Variants in LSM14A observed in about 807,000 individuals in gnomAD.
LSM14A encodes LSM14A mRNA processing body assembly factor.
Under a neutral mutation model 52.4 loss-of-function variants are expected in LSM14A, and 14 were observed. That is an observed-to-expected ratio of 0.27 (90% CI 0.18 to 0.42). The LOEUF is 0.42. LSM14A is among the 10% of genes least tolerant of loss of function. LSM14A has a pLI of 1.00. For synonymous variants in LSM14A, 185 were observed against 200.3 expected, an observed-to-expected ratio of 0.92 and a Z score of 0.64; for missense variants, 417 against 581.8, an observed-to-expected ratio of 0.72 and a Z score of 2.91.
chr19:34,213,980 G>A (rs949857410), intron 4 of LSM14A, among the ~76,000 whole-genome samples: 7 of 151,800 alleles, frequency 4.6e-5, no homozygotes, highest in Non-Finnish European at 1.0e-4. Flanking sequence ...ACAGGCTTTC[G>A]CCATGTTGTT....
At chr19:34,212,544 T>G (rs547367549) in intron 4 of LSM14A, among the ~76,000 whole-genome samples, 1 of 152,224 alleles carries the variant, frequency 6.6e-6, no homozygotes, top group Admixed American at 6.5e-5. Context: ...CATAAAGTTA[T>G]GACAAATGAC....
intron 6 of LSM14A, among the ~76,000 whole-genome samples, chr19:34,217,195 T>A (rs892439985): frequency 6.7e-6 from 1 of 148,536 alleles, no homozygotes; most frequent in Non-Finnish European, 1.5e-5. Context: ...GGAGGCGAGG[T>A]TGTAGTGAGC....
At position 34,216,001 on chromosome 19, in the gene LSM14A, T is replaced by C. The variant is rs145959247; in HGVS notation, c.781+340T>C. ...TGGTTTCGATAATGTACCATAATTA[T>C]ATAAGATGTGACTGTTGGAGTTTGG... On this transcript the variant is annotated intron_variant, in intron 6 of 9. Transcript: ENST00000544216. Among the ~76,000 whole-genome samples the C allele has an allele frequency of 3.7e-4, 56 of 152,356 alleles. No individual in the cohort carries two copies. In the East Asian group the frequency reaches 0.01, roughly 28 times the overall value.
Position 34,227,485 on chromosome 19 carries a change from T to C in LSM14A, c.*97T>C. 1.1e-6 allele frequency: 1 copy of C among 932,156 alleles called. No homozygotes were observed. Among genetic ancestry groups the C allele is most frequent in the Non-Finnish European group, 1.6e-6 (1 of 618,922 alleles). 57.7% of individuals were successfully genotyped at this position (932,156 alleles called of 1,614,324 possible). ...GCAAAGAATGAAGAAGTGAATTCGC[T>C]GTACATTTGTCACCAGCACTGGGTT... On this transcript the variant is annotated 3_prime_UTR_variant, in exon 10 of 10. Transcript: ENST00000544216.
At chr19:34,200,424 T>C (rs574898629) in intron 3 of LSM14A, among the ~76,000 whole-genome samples, 1 of 152,350 alleles carries the variant, frequency 6.6e-6, no homozygotes, top group Admixed American at 6.5e-5. Context: ...TTTGTTATTA[T>C]TGTTAATTTT....
At chr19:34,222,108 T>G (rs1192204507) in intron 9 of LSM14A, among the ~76,000 whole-genome samples, 4 of 152,224 alleles carry the variant, frequency 2.6e-5, no homozygotes, top group Non-Finnish European at 4.4e-5. Context: ...TTAACTTATT[T>G]AAACTGCACA....
At chr19:34,214,919 A>T (rs569685255) in intron 4 of LSM14A, among the ~76,000 whole-genome samples, 16 of 149,160 alleles carry the variant, frequency 1.1e-4, no homozygotes, top group East Asian at 3.9e-4. Context: ...GTTTTTTTTT[A>T]AATTATTATT....
In LSM14A at chr19:34,229,053, A is replaced by G. The variant is rs2145927335; in HGVS notation, c.*1665A>G. On this transcript the variant is annotated 3_prime_UTR_variant, in exon 10 of 10. Coordinates refer to ENST00000544216, the MANE Select transcript of LSM14A (RefSeq NM_015578.4). ...AGAGCATCAGAGCAAGTACCATGGC[A>G]ATACATGTGTAGACTGTTGGAGATG... 1 of 152,348 alleles carries G rather than the reference A, an allele frequency of 6.6e-6. No individual in the cohort carries two copies. The allele number at this position is 152,348 out of a possible 1,614,324, so 9.4% of individuals were successfully genotyped here.
chr19:34,185,601 T>A (rs1270366999), intron 1 of LSM14A, among the ~76,000 whole-genome samples: 1 of 152,202 alleles, frequency 6.6e-6, no homozygotes, highest in Non-Finnish European at 1.5e-5. Context: ...TCTACCATGC[T>A]ACCTTCAGGG....
chr19:34,192,122 G>A (rs2070422523), intron 1 of LSM14A, among the ~76,000 whole-genome samples: 1 of 151,784 alleles, frequency 6.6e-6, no homozygotes, highest in Admixed American at 6.6e-5. Flanking sequence ...AAAATTTCGT[G>A]GTATGAGTTT....
intron 4 of LSM14A, among the ~76,000 whole-genome samples, chr19:34,212,676 A>T (rs960450759): frequency 2.0e-5 from 3 of 152,218 alleles, no homozygotes; most frequent in Non-Finnish European, 4.4e-5. Context: ...TGTGTCTATA[A>T]TATGCAGAAA....
intron 4 of LSM14A, among the ~76,000 whole-genome samples, chr19:34,214,505 C>T (rs920855665): frequency 5.3e-5 from 8 of 151,996 alleles, no homozygotes; most frequent in African/African-American, 1.2e-4. Context: ...GACAGGGTTT[C>T]GCCATGTTGC....
At position 34,215,239 on chromosome 19, in the gene LSM14A, A is replaced by G. The variant is rs761272766; in HGVS notation, c.654A>G (p.Val218=). 2 of 1,614,226 alleles carry G rather than the reference A, an allele frequency of 1.2e-6. No homozygotes were observed. Among genetic ancestry groups the G allele is most frequent in the Non-Finnish European group, 1.7e-6 (2 of 1,180,042 alleles). Residue 218 remains valine, a synonymous_variant, in exon 5 of 10, where the codon GTA becomes GTG. Transcript: ENST00000544216. ...APAAVGRRSP[V]STRPLPSASQ... is the part of the protein sequence containing the mutation. The stretch of plus-strand genomic sequence containing the variant: ...CAGCTGTTGGGAGAAGGAGTCCTGT[A>G]TCAACCAGGCCTTTGCCATCTGCCA...
chr19:34,187,248 CAA>C (rs753895752), intron 1 of LSM14A, among the ~76,000 whole-genome samples: 6 of 119,056 alleles, frequency 5.0e-5, no homozygotes, highest in Non-Finnish European at 1.8e-5. Flanking sequence ...GACTCGGTCT[CAA>C]AAAAAAAAAA....
intron 1 of LSM14A, among the ~76,000 whole-genome samples, chr19:34,174,646 T>C (rs2145442907): frequency 6.6e-6 from 1 of 152,348 alleles, no homozygotes; most frequent in East Asian, 1.9e-4. Flanking sequence ...TTATTTTGAA[T>C]TTATTTTTAT....
intron 1 of LSM14A, among the ~76,000 whole-genome samples, chr19:34,189,594 A>C (rs554429676): frequency 6.6e-6 from 1 of 152,160 alleles, no homozygotes; most frequent in Non-Finnish European, 1.5e-5. Context: ...TAGAATAACA[A>C]TGTTCTTTCT....
intron 6 of LSM14A, among the ~76,000 whole-genome samples, chr19:34,217,903 C>T (rs954002942): frequency 2.0e-5 from 3 of 151,836 alleles, no homozygotes; most frequent in Non-Finnish European, 4.4e-5. Context: ...TCAAAACTCA[C>T]CCCACCAAAG....
rs771097717 is a variant in LSM14A, at chr19:34,219,354, A to T, written c.782-37A>T. 4.1e-6 allele frequency: 6 copies of T among 1,472,160 alleles called. No homozygotes were observed. The East Asian group carries it at 1.1e-4, about 28-fold the overall frequency. 91.2% of individuals were successfully genotyped at this position (1,472,160 alleles called of 1,614,324 possible). On this transcript the variant is annotated intron_variant, in intron 6 of 9. Coordinates refer to ENST00000544216, the MANE Select transcript of LSM14A (RefSeq NM_015578.4). ...ATCTGTGCTAAACCAGCTATTACATATTGAATGTCCTTTGTATATATTCTT... is the reference window on the plus strand; with the variant it reads ...ATCTGTGCTAAACCAGCTATTACATTTTGAATGTCCTTTGTATATATTCTT...
chr19:34,215,865 A>T (rs1048866410), intron 6 of LSM14A, among the ~76,000 whole-genome samples: 20 of 152,234 alleles, frequency 1.3e-4, no homozygotes, highest in African/African-American at 4.1e-4. Flanking sequence ...ATGGTAGAAC[A>T]TCATAGAACT....
Sources: gnomAD v4.1 joint callset for allele counts (sites outside exome capture counted in the v4.1 genomes callset) on GRCh38, gnomAD v4.1.1 for gene constraint, MANE v1.5 for transcripts, NCBI Gene and HGNC (gene_info 2026-07-23, HGNC 2026-07-21) for gene names.